Variants in EXOC6B observed in about 807,000 individuals in gnomAD.
EXOC6B encodes the protein exocyst complex component 6B, also known as SEC15 homolog B.
Under a neutral mutation model 113.5 loss-of-function variants are expected in EXOC6B, and 54 were observed. That is an observed-to-expected ratio of 0.48 (90% CI 0.38 to 0.60). The LOEUF (loss-of-function observed/expected upper bound fraction) is 0.60. Among genes scored for constraint, EXOC6B ranks in the 20% least tolerant of loss-of-function variants. The pLI, the probability that EXOC6B is intolerant of heterozygous loss-of-function variation, is 0.00. For missense variants in EXOC6B, 797 were observed against 977.5 expected (o/e 0.82, Z 2.46); for synonymous variants, 357 against 339.0 (o/e 1.05, Z -0.58).
chr2:72,500,206 T>G (rs1176971319), intron 11 of EXOC6B, among the ~76,000 whole-genome samples: 1 of 152,170 alleles, frequency 6.6e-6, no homozygotes, highest in Non-Finnish European at 1.5e-5. Context: ...CTTGGGAATT[T>G]AAAAATGCAC....
In EXOC6B at chr2:72,547,385, G is replaced by A. The variant is rs182520342; in HGVS notation, c.915+12068C>T. Among the ~76,000 whole-genome samples the A allele has an allele frequency of 1.2e-3, 190 of 152,238 alleles. 3 individuals carry two copies. The highest frequency in any genetic ancestry group is 2.1e-4 in the Non-Finnish European group (14 of 68,018). On this transcript the variant is annotated intron_variant, in intron 8 of 21. Transcript: ENST00000272427. ...CTTTTTATTATAGTATAACACATACGCAGAAAAGAACATTAATCAAAGGTG... is the reference window on the plus strand; with the variant it reads ...CTTTTTATTATAGTATAACACATACACAGAAAAGAACATTAATCAAAGGTG...
At chr2:72,688,567 G>C (rs1677254042) in intron 6 of EXOC6B, among the ~76,000 whole-genome samples, 1 of 152,102 alleles carries the variant, frequency 6.6e-6, no homozygotes, top group Admixed American at 6.6e-5. Flanking sequence ...GGCAGGAGGA[G>C]AGAAGAGGTG....
intron 20 of EXOC6B, among the ~76,000 whole-genome samples, chr2:72,325,018 T>A (rs1441348588): frequency 6.6e-6 from 1 of 152,168 alleles, no homozygotes; most frequent in Non-Finnish European, 1.5e-5. Context: ...ATTTTTCTTT[T>A]CTACTGTATA....
At chr2:72,385,894 C>A (rs1476695227) in intron 18 of EXOC6B, among the ~76,000 whole-genome samples, 2 of 151,986 alleles carry the variant, frequency 1.3e-5, no homozygotes, top group African/African-American at 2.4e-5. Flanking sequence ...AAGAGGGAAC[C>A]TTTGTCAACT....
Position 72,718,227 on chromosome 2 carries a change from A to T in EXOC6B, c.545T>A (p.Val182Glu). Residue 182 changes from valine (V) to glutamate (E), a missense_variant, in exon 6 of 22, where the codon GTG (valine) becomes GAG (glutamate). Val to Glu is a moderately radical substitution (Grantham distance 121). Transcript: ENST00000272427. ...AAGCTTGGGGATGTTGTCCACCATCACCTTGCAGAATCGATAGTGGCTTAC... is the reference window on the plus strand; with the variant it reads ...AAGCTTGGGGATGTTGTCCACCATCTCCTTGCAGAATCGATAGTGGCTTAC... Reference protein sequence around the residue: ...PQVSHYRFCKVMVDNIPKLRE... With the variant: ...PQVSHYRFCKEMVDNIPKLRE... 6.2e-7 allele frequency: 1 copy of T among 1,613,832 alleles called. No homozygotes were observed.
intron 6 of EXOC6B, among the ~76,000 whole-genome samples, chr2:72,710,315 T>C (rs969044031): frequency 2.0e-5 from 3 of 152,176 alleles, no homozygotes; most frequent in Admixed American, 6.5e-5. Context: ...AAAGAGACAC[T>C]GATCTTTTAA....
chr2:72,772,105 C>T (rs190635384), intron 1 of EXOC6B, among the ~76,000 whole-genome samples: 19 of 152,266 alleles, frequency 1.2e-4, no homozygotes, highest in Admixed American at 6.5e-4. Flanking sequence ...GTATGAAAGA[C>T]GGCTTCACAT....
intron 6 of EXOC6B, among the ~76,000 whole-genome samples, chr2:72,610,691 C>T (rs1389546306): frequency 1.3e-5 from 2 of 152,102 alleles, no homozygotes; most frequent in Non-Finnish European, 2.9e-5. Flanking sequence ...AGAGAAGAGA[C>T]AAATCTTCCT....
At chr2:72,662,824 C>T (rs554669286) in intron 6 of EXOC6B, among the ~76,000 whole-genome samples, 7 of 152,188 alleles carry the variant, frequency 4.6e-5, no homozygotes, top group African/African-American at 4.8e-5. Flanking sequence ...CCACAACCTC[C>T]GACTCCCTAG....
intron 18 of EXOC6B, among the ~76,000 whole-genome samples, chr2:72,407,507 T>G (rs945332154): frequency 6.6e-6 from 1 of 152,132 alleles, no homozygotes; most frequent in African/African-American, 2.4e-5. Flanking sequence ...CATCAAAAAC[T>G]TATACACCAC....
At chr2:72,277,847 AT>A (rs5832077) in intron 20 of EXOC6B, among the ~76,000 whole-genome samples, 59,191 of 149,078 alleles carry the variant, frequency 0.4, 15,895 homozygotes, top group African/African-American at 0.77. Context: ...ATTATACCCC[AT>A]TTTTTTTTAT....
intron 20 of EXOC6B, among the ~76,000 whole-genome samples, chr2:72,214,811 C>T (rs1680414790): frequency 6.6e-6 from 1 of 152,132 alleles, no homozygotes; most frequent in Non-Finnish European, 1.5e-5. Flanking sequence ...TCAGGGGAAG[C>T]TTTTCCAAAA....
At chr2:72,532,752 G>A (rs567719922) in intron 8 of EXOC6B, among the ~76,000 whole-genome samples, 2 of 152,154 alleles carry the variant, frequency 1.3e-5, no homozygotes, top group African/African-American at 4.8e-5. Flanking sequence ...AGGTTGCAGT[G>A]AGCCGATATT....
chr2:72,311,466 T>C (rs1687181277), intron 20 of EXOC6B, among the ~76,000 whole-genome samples: 1 of 152,078 alleles, frequency 6.6e-6, no homozygotes, highest in Non-Finnish European at 1.5e-5. Flanking sequence ...GTGGAGTTCC[T>C]CTCACACTTC....
At chr2:72,210,147 C>T (rs1456295409) in intron 20 of EXOC6B, among the ~76,000 whole-genome samples, 2 of 152,130 alleles carry the variant, frequency 1.3e-5, no homozygotes, top group Non-Finnish European at 2.9e-5. Context: ...CCTGATTTGT[C>T]TCCAAACACT....
chr2:72,373,963 A>C (rs1165732153), intron 19 of EXOC6B, among the ~76,000 whole-genome samples: 3 of 152,162 alleles, frequency 2.0e-5, no homozygotes, highest in Non-Finnish European at 4.4e-5. Context: ...TCTGCTAAAA[A>C]ATACAAAAAT....
chr2:72,565,566 G>C (rs910461657), intron 7 of EXOC6B, among the ~76,000 whole-genome samples: 1 of 151,602 alleles, frequency 6.6e-6, no homozygotes, highest in African/African-American at 2.4e-5. Flanking sequence ...TATAGGTAAA[G>C]AACAAATATC....
At chr2:72,275,586 T>C (rs1038214452) in intron 20 of EXOC6B, among the ~76,000 whole-genome samples, 1 of 152,208 alleles carries the variant, frequency 6.6e-6, no homozygotes. Flanking sequence ...TTTTATTTTC[T>C]TATTAGTGCT....
chr2:72,263,063 T>A (rs1234185685), intron 20 of EXOC6B, among the ~76,000 whole-genome samples: 1 of 152,152 alleles, frequency 6.6e-6, no homozygotes, highest in African/African-American at 2.4e-5. Flanking sequence ...GATATCAGAT[T>A]GGAAATGCCA....
Sources: allele counts gnomAD v4.1 joint callset (sites outside exome capture counted in the v4.1 genomes callset), GRCh38; gene constraint gnomAD v4.1.1; transcripts MANE v1.5; gene names NCBI Gene and HGNC (gene_info 2026-07-23, HGNC 2026-07-21).